CEP44: variants seen among roughly 807,000 people sequenced by gnomAD.
CEP44 encodes centrosomal protein 44.
CEP44 carries 45 observed loss-of-function variants against 46.7 expected under a neutral mutation model. The observed-to-expected ratio is 0.96, with a 90% CI of 0.76 to 1.24. CEP44 has a LOEUF of 1.24. Ranked by LOEUF, CEP44 falls within the 50% of genes most tolerant of loss-of-function variation. The pLI, the probability that CEP44 is intolerant of heterozygous loss-of-function variation, is 0.00. For synonymous variants in CEP44, 142 were observed against 146.0 expected (o/e 0.97, Z 0.20); for missense variants, 475 against 459.7 (o/e 1.03, Z -0.30).
chr4:174,332,014 A>G, exon 9 of CEP44: 1 of 155,894 alleles, frequency 6.4e-6, no homozygotes. Flanking sequence ...GAGAAAGTCA[A>G]AGATTACAGA....
chr4:174,330,565 TTAAA>T (rs1189792564), intron 8 of CEP44, among the ~76,000 whole-genome samples: 1 of 152,168 alleles, frequency 6.6e-6, no homozygotes, highest in East Asian at 1.9e-4. Context: ...TTCCATATCA[TTAAA>T]TATATTTTCA....
At chr4:174,285,977 T>C (rs1218222398) in intron 1 of CEP44, among the ~76,000 whole-genome samples, 2 of 152,234 alleles carry the variant, frequency 1.3e-5, no homozygotes, top group Non-Finnish European at 1.5e-5. Context: ...CAGGATGACT[T>C]TCTCTTTTTC....
intron 9 of CEP44, among the ~76,000 whole-genome samples, chr4:174,313,547 A>G (rs1741337446): frequency 6.6e-6 from 1 of 152,280 alleles, no homozygotes; most frequent in South Asian, 2.1e-4. Flanking sequence ...CAAGGCTAAT[A>G]TTCTTAGGTT....
At chr4:174,294,810 C>T (rs527850557) in intron 1 of CEP44, among the ~76,000 whole-genome samples, 3 of 137,534 alleles carry the variant, frequency 2.2e-5, no homozygotes, top group Non-Finnish European at 3.2e-5. Flanking sequence ...GGGGGCTGAC[C>T]CCCCCACCTC....
chr4:174,295,222 T>C (rs1374589875), intron 1 of CEP44, among the ~76,000 whole-genome samples: 1 of 145,974 alleles, frequency 6.9e-6, no homozygotes, highest in Non-Finnish European at 1.5e-5. Context: ...GGCTCCTCAC[T>C]TCTCATATGG....
chr4:174,323,671 A>G (rs1231010299), downstream of CEP44, among the ~76,000 whole-genome samples: 3 of 152,242 alleles, frequency 2.0e-5, no homozygotes, highest in East Asian at 5.8e-4. Context: ...AAAGTGAGGT[A>G]ATTGCTGATC....
rs551334254 is a variant in CEP44, at chr4:174,288,078, G to A, written c.-148+4135G>A. Reference sequence around the variant, plus strand: ...ATACAAAGGGACTATTTTTAGAGGTGTGTGTACAGGGATCTGGTGCTGCTT... The same window carrying A: ...ATACAAAGGGACTATTTTTAGAGGTATGTGTACAGGGATCTGGTGCTGCTT... On this transcript the variant is annotated intron_variant, in intron 1 of 11. Coordinates refer to ENST00000503780, the MANE Select transcript of CEP44 (RefSeq NM_001040157.3). The surrounding 1 kb of genome is among the most constrained non-coding windows in gnomAD (Gnocchi z 4.6). Among the ~76,000 whole-genome samples, 11 of 152,304 alleles carry A rather than the reference G, an allele frequency of 7.2e-5. No homozygotes were observed. The highest frequency in any genetic ancestry group is 1.6e-4 in the Non-Finnish European group (11 of 68,014).
chr4:174,310,520 T>G lies in CEP44; in HGVS notation c.886-263T>G, dbSNP rs1186134137. Among the ~76,000 whole-genome samples the G allele has an allele frequency of 6.6e-6, 1 of 151,898 alleles. No homozygotes were observed. Among genetic ancestry groups the G allele is most frequent in the Non-Finnish European group, 1.5e-5 (1 of 67,868 alleles). On this transcript the variant is annotated intron_variant, in intron 8 of 11. Transcript: ENST00000503780. This position sits in a 1 kb window ranked among gnomAD's most constrained non-coding sequence, Gnocchi z 4.2. ...CCATTGCCTTATCAAATCTGAGAAA[T>G]TTGTTTTTTTTTACTCAGGATTTCA...
At position 174,318,014 on chromosome 4, in the gene CEP44, C is replaced by G. The variant is rs901099805; in HGVS notation, c.*631C>G. On this transcript the variant is annotated 3_prime_UTR_variant, in exon 12 of 12. Transcript: ENST00000503780. ...GTTTAGACCAAGAGGACTATGGTCT[C>G]AAGGTTCACCATGAGAAATGTGTTG... is the stretch of plus-strand genomic sequence containing the variant. 1.0e-6 allele frequency: 1 copy of G among 985,216 alleles called. No individual in the cohort carries two copies. Among genetic ancestry groups the G allele is most frequent in the Non-Finnish European group, 1.2e-6 (1 of 829,776 alleles). 61.0% of individuals were successfully genotyped at this position (985,216 alleles called of 1,614,324 possible).
At position 174,301,905 on chromosome 4, in the gene CEP44, C is replaced by A. The variant is rs1292381713; in HGVS notation, c.90-134C>A. 2 of 738,782 alleles carry A rather than the reference C, an allele frequency of 2.7e-6. No homozygotes were observed. Among genetic ancestry groups the A allele is most frequent in the Non-Finnish European group, 4.2e-6 (2 of 474,536 alleles). 45.8% of individuals were successfully genotyped at this position (738,782 alleles called of 1,614,324 possible). ...ATGGAATCTAGAAAGTCTCATGTAT[C>A]ACCTAATTATTATAGCTATAGTGTT... is the stretch of plus-strand genomic sequence containing the variant. On this transcript the variant is annotated intron_variant, in intron 3 of 11. Transcript: ENST00000503780. This position sits in a 1 kb window ranked among gnomAD's most constrained non-coding sequence, Gnocchi z 4.3.
At chr4:174,321,546 T>G (rs1464751341), downstream of CEP44, among the ~76,000 whole-genome samples, 4 of 152,204 alleles carry the variant, frequency 2.6e-5, no homozygotes, top group Non-Finnish European at 5.9e-5. Flanking sequence ...AGCCTCCATC[T>G]TTGAAATATC....
At chr4:174,294,850 G>T (rs1300286408) in intron 1 of CEP44, among the ~76,000 whole-genome samples, 1 of 139,856 alleles carries the variant, frequency 7.2e-6, no homozygotes, top group African/African-American at 2.7e-5. Flanking sequence ...GGCCGGGCGG[G>T]GGGCTGATCC....
chr4:174,319,223 G>A lies in CEP44; in HGVS notation c.*1840G>A, dbSNP rs1281271436. ...AGTAAATATTTCCAGAATTAATGAA[G>A]CATGTTAGCTTTAATTTTTTCAATT... On this transcript the variant is annotated 3_prime_UTR_variant, in exon 12 of 12. Transcript: ENST00000503780. 2.1e-6 allele frequency: 2 copies of A among 968,600 alleles called. No homozygotes were observed. The highest frequency in any genetic ancestry group is 3.5e-5 in the African/African-American group (2 of 56,892). 60.0% of individuals were successfully genotyped at this position (968,600 alleles called of 1,614,324 possible).
intron 6 of CEP44, among the ~76,000 whole-genome samples, chr4:174,307,029 T>C (rs1045533391): frequency 1.3e-5 from 2 of 152,098 alleles, no homozygotes; most frequent in African/African-American, 4.8e-5. Flanking sequence ...TTAAAATGAC[T>C]GTACTGCCCA....
chr4:174,298,090 T>G (rs1021022934), intron 2 of CEP44, 28 bp downstream of exon 2: 2 of 152,192 alleles, frequency 1.3e-5, no homozygotes, highest in Non-Finnish European at 2.9e-5. Flanking sequence ...CATTTGCTTT[T>G]CATTTTCCAA....
intron 8 of CEP44, among the ~76,000 whole-genome samples, chr4:174,328,004 C>T (rs1182412324): frequency 6.6e-6 from 1 of 151,972 alleles, no homozygotes; most frequent in African/African-American, 2.4e-5. Context: ...AATGCACAAA[C>T]CATAAGAGAA....
chr4:174,303,685 A>T lies in CEP44; in HGVS notation c.238-18A>T. Reference sequence around the variant, plus strand: ...ATAAATTGCTCCCAATTATTACAAGAGTCTGTTTCCTCTGCAGCTTCTTCG... The same window carrying T: ...ATAAATTGCTCCCAATTATTACAAGTGTCTGTTTCCTCTGCAGCTTCTTCG... On this transcript the variant is annotated intron_variant, in intron 4 of 11. Coordinates refer to ENST00000503780, the MANE Select transcript of CEP44 (RefSeq NM_001040157.3). 1 of 1,473,966 alleles carries T rather than the reference A, an allele frequency of 6.8e-7. No homozygotes were observed. Among genetic ancestry groups the T allele is most frequent in the Non-Finnish European group, 9.2e-7 (1 of 1,082,064 alleles). 91.3% of individuals were successfully genotyped at this position (1,473,966 alleles called of 1,614,324 possible).
chr4:174,299,169 G>T lies in CEP44; in HGVS notation c.48G>T (p.Val16=). ...GAAGCTTACGGAACCTAGAACAGGT[G>T]CTCCGCTTGCTAAATTATCCTGAAG... The part of the protein sequence containing the change: ...LKRSLRNLEQ[V]LRLLNYPEEV... The change falls in exon 3 of 12, where the codon GTG becomes GTT. Residue 16 remains valine, a synonymous_variant. Transcript: ENST00000503780. 1 of 1,613,780 alleles carries T rather than the reference G, an allele frequency of 6.2e-7. No homozygotes were observed. The highest frequency in any genetic ancestry group is 8.5e-7 in the Non-Finnish European group (1 of 1,179,766).
chr4:174,292,177 G>C (rs1308298651), intron 1 of CEP44, among the ~76,000 whole-genome samples: 1 of 152,054 alleles, frequency 6.6e-6, no homozygotes, highest in East Asian at 1.9e-4. Flanking sequence ...TGTTGAATAT[G>C]TCATTCCCTC....
Sources: allele counts gnomAD v4.1 joint callset (sites outside exome capture counted in the v4.1 genomes callset), GRCh38; gene constraint gnomAD v4.1.1; non-coding constraint Gnocchi (gnomAD v3.1); transcripts MANE v1.5; gene names NCBI Gene and HGNC (gene_info 2026-07-23, HGNC 2026-07-21).